FAM133A: variants seen among roughly 807,000 people sequenced by gnomAD.
FAM133A encodes family with sequence similarity 133 member A.
For synonymous variants in FAM133A, 65 were observed against 58.6 expected (o/e 1.11, Z -0.50); for missense variants, 159 against 164.4 (o/e 0.97, Z 0.18).
In FAM133A at chrX:93,679,915, A is replaced by ATTTTTTTTTT. The variant is rs376335726; in HGVS notation, c.-193+5197_-193+5206dup. Among the ~76,000 whole-genome samples the ATTTTTTTTTT allele has an allele frequency of 1.4e-4, 9 of 62,418 alleles. 1 individual carries two copies. The highest frequency in any genetic ancestry group is 6.7e-4 in the African/African-American group (8 of 11,991). 54.2% of individuals were successfully genotyped at this position (62,418 alleles called of 115,157 possible). A position where few individuals can be genotyped will look rare whatever the true frequency, so the allele number is the denominator to read the frequency against. On this transcript the variant is annotated intron_variant, in intron 2 of 3. Transcript: ENST00000683942. ...AGGTGTGTACCACCACTCCTGGCAA[A>ATTTTTTTTTT]TTTTTTTTTTTTTTTTTTTTTTTTT...
intron 2 of FAM133A, among the ~76,000 whole-genome samples, chrX:93,694,277 A>T (rs12012878): frequency 0.069 from 7,718 of 111,221 alleles, 612 homozygotes; most frequent in African/African-American, 0.23. Context: ...TAACACAATG[A>T]AAAACTTCTG....
chrX:93,706,275 C>A (rs1464912363), intron 3 of FAM133A, among the ~76,000 whole-genome samples: 1 of 111,200 alleles, frequency 9.0e-6, no homozygotes, highest in Non-Finnish European at 1.9e-5. Flanking sequence ...CTTTATTCAC[C>A]CTGTGTTTCT....
intron 2 of FAM133A, among the ~76,000 whole-genome samples, chrX:93,681,287 G>T (rs5983590): frequency 0.018 from 1,877 of 104,808 alleles, 40 homozygotes; most frequent in African/African-American, 0.062. Flanking sequence ...GATATATTCT[G>T]TCTATCTATC....
intron 3 of FAM133A, among the ~76,000 whole-genome samples, chrX:93,708,391 C>G (rs1393105151): frequency 9.0e-6 from 1 of 111,710 alleles, no homozygotes; most frequent in African/African-American, 3.3e-5. Context: ...TTTAAGATCC[C>G]TCTGTTTACA....
At chrX:93,683,206 A>C (rs1029826250) in intron 2 of FAM133A, among the ~76,000 whole-genome samples, 1 of 112,022 alleles carries the variant, frequency 8.9e-6, no homozygotes, top group African/African-American at 3.2e-5. Flanking sequence ...ATTAAATTAA[A>C]ATGTCTGTTT....
intron 2 of FAM133A, among the ~76,000 whole-genome samples, chrX:93,693,823 TAAC>T (rs1178813356): frequency 8.9e-6 from 1 of 112,116 alleles, no homozygotes; most frequent in African/African-American, 3.2e-5. Context: ...AACTTTGAAG[TAAC>T]AACAAGGTTA....
chrX:93,695,634 C>CTTTTTTTTT (rs759503397), intron 2 of FAM133A, among the ~76,000 whole-genome samples: 2 of 48,369 alleles, frequency 4.1e-5, no homozygotes, highest in African/African-American at 7.8e-5. Flanking sequence ...CAGGAATCTG[C>CTTTTTTTTT]TTTTTTTTTT....
chrX:93,693,062 G>T (rs745949475), intron 2 of FAM133A, among the ~76,000 whole-genome samples: 6 of 111,341 alleles, frequency 5.4e-5, no homozygotes, highest in Non-Finnish European at 9.5e-5. Flanking sequence ...TATTTTCTAG[G>T]GCTGTAGCAT....
In FAM133A at chrX:93,676,127, A is replaced by G. The variant is rs935421224; in HGVS notation, c.-193+1375A>G. 2.7e-5 allele frequency among the ~76,000 whole-genome samples: 3 copies of G among 111,244 alleles called. No individual in the cohort carries two copies. The South Asian group carries it at 1.1e-3, about 42-fold the overall frequency. On this transcript the variant is annotated intron_variant, in intron 2 of 3. Transcript: ENST00000683942. Reference sequence around the variant, plus strand: ...TTACTTGAAATGCTATTTTGATCACATTAAATAAATTGCTTGGGTCTGTCT... The same window carrying G: ...TTACTTGAAATGCTATTTTGATCACGTTAAATAAATTGCTTGGGTCTGTCT...
chrX:93,690,331 A>C (rs1212483105), intron 2 of FAM133A, among the ~76,000 whole-genome samples: 1 of 111,510 alleles, frequency 9.0e-6, no homozygotes, highest in Non-Finnish European at 1.9e-5. Flanking sequence ...TAATTGTTAG[A>C]ATTTTCCTGT....
chrX:93,705,776 A>G (rs1457714281), intron 3 of FAM133A, among the ~76,000 whole-genome samples: 2 of 109,534 alleles, frequency 1.8e-5, no homozygotes, highest in Non-Finnish European at 3.8e-5. Flanking sequence ...TTTCTCTGTG[A>G]TATTGCCACA....
At chrX:93,688,148 CT>C (rs1339136555) in intron 2 of FAM133A, among the ~76,000 whole-genome samples, 233 of 98,340 alleles carry the variant, frequency 2.4e-3, no homozygotes, top group Middle Eastern at 5.3e-3. Flanking sequence ...ATTTTTCTTT[CT>C]TTTTTTTTTT....
At chrX:93,674,043 AT>A (rs1196695408), upstream of FAM133A, 1 of 107,183 alleles carries the variant, frequency 9.3e-6, no homozygotes, top group Non-Finnish European at 1.9e-5. Flanking sequence ...AAATGGCGTC[AT>A]TGGGTAGTGT....
chrX:93,695,658 T>TC (rs1411632798), intron 2 of FAM133A, among the ~76,000 whole-genome samples: 1 of 97,506 alleles, frequency 1.0e-5, no homozygotes, highest in Non-Finnish European at 2.1e-5. Flanking sequence ...TTTTTTTTTT[T>TC]TGAGACAGAG....
At chrX:93,680,888 G>A (rs1009008794) in intron 2 of FAM133A, among the ~76,000 whole-genome samples, 3 of 111,241 alleles carry the variant, frequency 2.7e-5, no homozygotes, top group Non-Finnish European at 5.7e-5. Context: ...CATTCCATAC[G>A]TTGCCTCTTT....
chrX:93,701,886 G>A (rs750884176), intron 3 of FAM133A, among the ~76,000 whole-genome samples: 18 of 111,050 alleles, frequency 1.6e-4, no homozygotes, highest in African/African-American at 5.6e-4. Context: ...GGGCCTTTAC[G>A]CTTTTTATTA....
chrX:93,707,471 A>G (rs1198068817), intron 3 of FAM133A, among the ~76,000 whole-genome samples: 2 of 111,329 alleles, frequency 1.8e-5, no homozygotes, highest in Non-Finnish European at 3.8e-5. Flanking sequence ...TCTCTTCTAT[A>G]TAAAAGACTT....
intron 2 of FAM133A, among the ~76,000 whole-genome samples, chrX:93,684,449 G>C (rs999676524): frequency 4.5e-5 from 5 of 112,022 alleles, no homozygotes; most frequent in Admixed American, 9.5e-5. Context: ...CCAGAAACCA[G>C]AGCTTAAGGG....
At chrX:93,689,872 G>A (rs186896503) in intron 2 of FAM133A, among the ~76,000 whole-genome samples, 89 of 111,246 alleles carry the variant, frequency 8.0e-4, no homozygotes, top group African/African-American at 2.8e-3. Context: ...AATTTAATGT[G>A]GGATTAAGAT....
Sources: gnomAD v4.1 joint callset for allele counts (sites outside exome capture counted in the v4.1 genomes callset) on GRCh38, gnomAD v4.1.1 for gene constraint, MANE v1.5 for transcripts, NCBI Gene and HGNC (gene_info 2026-07-23, HGNC 2026-07-21) for gene names.